The following DENND3 variants were observed in gnomAD, a reference collection of about 807,000 sequenced individuals.
DENND3 encodes the protein DENN domain-containing protein 3.
DENND3 carries 88 observed loss-of-function variants against 135.1 expected under a neutral mutation model. The ratio of observed to expected loss-of-function variants is 0.65; its 90% CI spans 0.55 to 0.78. The LOEUF (loss-of-function observed/expected upper bound fraction) is 0.78, where lower values mean the gene tolerates loss of function less well. DENND3 is among the 30% of genes least tolerant of loss of function. The pLI, the probability that DENND3 is intolerant of heterozygous loss-of-function variation, is 0.00. For synonymous variants in DENND3, 693 were observed against 712.3 expected (o/e 0.97, Z 0.43); for missense variants, 1,392 against 1,688.4 (o/e 0.82, Z 3.08).
intron 4 of DENND3, chr8:141,142,586 A>G (rs973295743): frequency 3.0e-6 from 1 of 336,540 alleles, no homozygotes; most frequent in African/African-American, 2.2e-5. Flanking sequence ...TGCCATAGAC[A>G]TAAAATATCG....
rs774048300 is a variant in DENND3 at position 141,192,590 on chromosome 8, T to C, written c.3563T>C (p.Leu1188Pro). The C allele has an allele frequency of 1.3e-5, 21 of 1,582,986 alleles. No homozygotes were observed. In the Middle Eastern group the frequency reaches 1.2e-3, roughly 89 times the overall value. The change falls in exon 22 of 23, where the codon CTG becomes CCG. Residue 1188 changes from leucine to proline, a missense_variant. Transcript: ENST00000519811. Reference sequence around the variant, plus strand: ...GTTTACATCTGGAGCCTGAAGGACCTGGCCCAGCCCCCGCAGAGGGTGCCC... The same window carrying C: ...GTTTACATCTGGAGCCTGAAGGACCCGGCCCAGCCCCCGCAGAGGGTGCCC... Reference protein sequence around the residue: ...SEVYIWSLKDLAQPPQRVPLE... With the variant: ...SEVYIWSLKDPAQPPQRVPLE...
chr8:141,176,656 G>A lies in DENND3; in HGVS notation c.2601G>A (p.Ala867=), dbSNP rs570647400. ...TACCCACTTTAAAAATCAGAGTGGCGTCCAAGAAAGAAGTCTTCGAAGCCA... is the reference window on the plus strand; with the variant it reads ...TACCCACTTTAAAAATCAGAGTGGCATCCAAGAAAGAAGTCTTCGAAGCCA... The part of the protein sequence containing the change: ...RRIPTLKIRV[A]SKKEVFEANL... The change falls in exon 15 of 23, where the codon GCG becomes GCA. Residue 867 remains alanine, a synonymous_variant. Transcript: ENST00000519811. 2.5e-5 allele frequency: 40 copies of A among 1,614,224 alleles called. No individual in the cohort carries two copies. In the African/African-American group the frequency reaches 2.9e-4, roughly 12 times the overall value.
intron 16 of DENND3, among the ~76,000 whole-genome samples, chr8:141,178,422 G>T (rs746052582): frequency 6.6e-6 from 1 of 152,208 alleles, no homozygotes; most frequent in African/African-American, 2.4e-5. Context: ...GAGGCACCTC[G>T]TCGTTTTAAT....
chr8:141,169,646 G>A (rs1231946228), intron 13 of DENND3, among the ~76,000 whole-genome samples: 1 of 152,206 alleles, frequency 6.6e-6, no homozygotes, highest in Non-Finnish European at 1.5e-5. Flanking sequence ...GTCCGAAGCT[G>A]GAGCTTTCTT....
In DENND3 at chr8:141,158,208, C is replaced by A. The variant is rs951357976; in HGVS notation, c.1196+2238C>A. ...TCCTCCCCAGCCAAGGGCACCTGAG[C>A]AGCTGTTCTGTTGGCAACTGTCCTC... On this transcript the variant is annotated intron_variant, in intron 8 of 22. Coordinates refer to ENST00000519811, the MANE Select transcript of DENND3 (RefSeq NM_001352890.3). 1.2e-5 allele frequency: 15 copies of A among 1,289,572 alleles called. No individual in the cohort carries two copies. In the African/African-American group the frequency reaches 2.0e-4, roughly 17 times the overall value. 79.9% of individuals were successfully genotyped at this position (1,289,572 alleles called of 1,614,324 possible).
rs778013254 is a variant in DENND3, at chr8:141,190,416, CT to C, written c.3379del (p.Cys1127AlafsTer9). The C allele has an allele frequency of 6.2e-7, 1 of 1,606,990 alleles. No individual in the cohort carries two copies. On this transcript the variant is annotated frameshift_variant and splice_region_variant, in exon 20 of 23. Transcript: ENST00000519811. LOFTEE classifies it high-confidence loss of function. ...GACTGCACGGCGGCCGCCTGTGGTG[CT>C]GTAAGTCCGGCCCCTGCCATCAGAG... Reference protein sequence around the residue: ...IRLHGGRLWCCTGNSIMVMKM... With the variant: ...IRLHGGRLWCXTGNSIMVMKM...
At chr8:141,179,563 A>T (rs921502447) in intron 16 of DENND3, among the ~76,000 whole-genome samples, 4 of 152,194 alleles carry the variant, frequency 2.6e-5, no homozygotes, top group Admixed American at 1.3e-4. Context: ...TTAGTAGCTT[A>T]TGGCCAACTC....
At chr8:141,187,091 C>T (rs1194377017) in intron 18 of DENND3, among the ~76,000 whole-genome samples, 2 of 152,188 alleles carry the variant, frequency 1.3e-5, no homozygotes, top group South Asian at 4.1e-4. Context: ...ACACTCTCCT[C>T]CTATCTGGTC....
chr8:141,141,448 C>G lies in DENND3; in HGVS notation c.623+124C>G. ...AGCTCTCTGTTCCTCTCCTGGTGAG[C>G]CGGGGGACCGGGCGCTGGGGGCAGT... On this transcript the variant is annotated intron_variant, in intron 4 of 22. Transcript: ENST00000519811. This position sits in a 1 kb window ranked among gnomAD's most constrained non-coding sequence, Gnocchi z 5.3. 1 of 1,206,956 alleles carries G rather than the reference C, an allele frequency of 8.3e-7. No individual in the cohort carries two copies. The highest frequency in any genetic ancestry group is 1.2e-6 in the Non-Finnish European group (1 of 863,242). The allele number at this position is 1,206,956 out of a possible 1,614,324, so 74.8% of individuals were successfully genotyped here.
At chr8:141,193,838 C>T (rs918042077) in intron 22 of DENND3, 195 bp from the exon 23 acceptor site, 35 of 618,094 alleles carry the variant, frequency 5.7e-5, no homozygotes, top group Admixed American at 2.9e-4. Flanking sequence ...AGAGGCCCCT[C>T]GGCCATTAGG....
At chr8:141,140,360 G>A (rs976952293) in intron 3 of DENND3, among the ~76,000 whole-genome samples, 1 of 152,170 alleles carries the variant, frequency 6.6e-6, no homozygotes, top group Non-Finnish European at 1.5e-5. Flanking sequence ...GCAGCCACGC[G>A]CGCGTGTGAG....
Position 141,182,218 on chromosome 8 carries a change from A to T in DENND3, c.2944+1364A>T. On this transcript the variant is annotated intron_variant, in intron 17 of 22. Coordinates refer to ENST00000519811, the MANE Select transcript of DENND3 (RefSeq NM_001352890.3). The surrounding 1 kb of genome is among the most constrained non-coding windows in gnomAD (Gnocchi z 5.9). ...TCACAGGCCATGTCCGCGGCTTCAC[A>T]GAGCACCTGGCCATTCACACACGGA... 1.2e-6 allele frequency: 1 copy of T among 810,634 alleles called. No individual in the cohort carries two copies. Among genetic ancestry groups the T allele is most frequent in the Non-Finnish European group, 1.5e-6 (1 of 670,834 alleles). The allele number at this position is 810,634 out of a possible 1,614,324, so 50.2% of individuals were successfully genotyped here. A position where few individuals can be genotyped will look rare whatever the true frequency, so the allele number is the denominator to read the frequency against.
chr8:141,194,530 G>T lies in DENND3; in HGVS notation c.*297G>T. The T allele has an allele frequency of 2.6e-6, 1 of 389,792 alleles. No individual in the cohort carries two copies. The highest frequency in any genetic ancestry group is 4.8e-6 in the Non-Finnish European group (1 of 209,860). 24.1% of individuals were successfully genotyped at this position (389,792 alleles called of 1,614,324 possible). A position where few individuals can be genotyped will look rare whatever the true frequency, so the allele number is the denominator to read the frequency against. On this transcript the variant is annotated 3_prime_UTR_variant, in exon 23 of 23. Transcript: ENST00000519811. ...GGGAGGTTACTTTGTTGCCTAGAAAGTTCTGGAATCCACAACCAGGGGCTG... is the reference window on the plus strand; with the variant it reads ...GGGAGGTTACTTTGTTGCCTAGAAATTTCTGGAATCCACAACCAGGGGCTG...
At chr8:141,134,240 C>T (rs1342378511) in intron 1 of DENND3, among the ~76,000 whole-genome samples, 1 of 152,106 alleles carries the variant, frequency 6.6e-6, no homozygotes, top group Non-Finnish European at 1.5e-5. Flanking sequence ...GCATGCTACA[C>T]TAGAGCTTTT....
chr8:141,193,665 T>TTA (rs1825075287), intron 22 of DENND3: 1 of 210,042 alleles, frequency 4.8e-6, no homozygotes, highest in South Asian at 1.2e-4. Context: ...TGAATAAAAA[T>TTA]TATATATATC....
chr8:141,163,456 C>T, intron 10 of DENND3, 27 bp downstream of exon 10: 2 of 1,421,290 alleles, frequency 1.4e-6, no homozygotes, highest in Admixed American at 1.7e-5. Context: ...TTGGGTGTGC[C>T]TGTGTGTGTT....
chr8:141,140,267 C>T (rs928981535), intron 3 of DENND3, among the ~76,000 whole-genome samples: 2 of 152,128 alleles, frequency 1.3e-5, no homozygotes, highest in Non-Finnish European at 2.9e-5. Flanking sequence ...GCCTTTCCAC[C>T]GACACTACGT....
intron 16 of DENND3, among the ~76,000 whole-genome samples, chr8:141,178,986 G>T (rs1822753017): frequency 6.6e-6 from 1 of 152,246 alleles, no homozygotes; most frequent in Admixed American, 6.5e-5. Flanking sequence ...GTAAGCTCTG[G>T]TGTGCACATC....
rs1232062368 is a variant in DENND3, at chr8:141,137,531, C to A, written c.386-491C>A. Among the ~76,000 whole-genome samples, 6 of 152,190 alleles carry A rather than the reference C, an allele frequency of 3.9e-5. No homozygotes were observed. ...GCCTGAGCCTCTCCCTTCCACCTCC[C>A]GTTTTCCGTTTCACTGGGGCAAGAA... On this transcript the variant is annotated intron_variant, in intron 2 of 22. Coordinates refer to ENST00000519811, the MANE Select transcript of DENND3 (RefSeq NM_001352890.3). This position sits in a 1 kb window ranked among gnomAD's most constrained non-coding sequence, Gnocchi z 4.1.
Sources: gnomAD v4.1 joint callset for allele counts (sites outside exome capture counted in the v4.1 genomes callset) on GRCh38, gnomAD v4.1.1 for gene constraint, Gnocchi (gnomAD v3.1) non-coding constraint, MANE v1.5 for transcripts, NCBI Gene and HGNC (gene_info 2026-07-23, HGNC 2026-07-21) for gene names.